NEBL: variants seen among roughly 807,000 people sequenced by gnomAD.
NEBL encodes the protein LIM and SH3 protein 2.
In NEBL, 122 loss-of-function variants were observed where a neutral mutation model predicts 140.2. The ratio of observed to expected loss-of-function variants is 0.87; its 90% CI spans 0.75 to 1.01. The LOEUF (loss-of-function observed/expected upper bound fraction) is 1.01. Among genes scored for constraint, NEBL ranks in the 50% least tolerant of loss-of-function variants. NEBL has a pLI of 0.00. For synonymous variants in NEBL, 436 were observed against 398.9 expected (o/e 1.09, Z -1.11); for missense variants, 1,365 against 1,231.3 (o/e 1.11, Z -1.62).
In NEBL at chr10:21,289,958, C is replaced by G. The variant is rs769955202; in HGVS notation, n.182+2872G>C. Among the ~76,000 whole-genome samples, 99 of 152,214 alleles carry G rather than the reference C, an allele frequency of 6.5e-4. 1 individual carries two copies. The highest frequency in any genetic ancestry group is 1.2e-3 in the Non-Finnish European group (85 of 68,026). On this transcript the variant is annotated intron_variant and non_coding_transcript_variant, in intron 1 of 8. Transcript: ENST00000675702. Reference sequence around the variant, plus strand: ...GCCCAAAAAGCTAAGACTCTTTACTCTCTGGCCCTGTACAGAAAACATTCA... The same window carrying G: ...GCCCAAAAAGCTAAGACTCTTTACTGTCTGGCCCTGTACAGAAAACATTCA...
chr10:21,047,524 A>T (rs1834574845), intron 2 of NEBL, among the ~76,000 whole-genome samples: 1 of 151,904 alleles, frequency 6.6e-6, no homozygotes, highest in South Asian at 2.1e-4. Flanking sequence ...ACTGCCCCAA[A>T]TGAAGCTTTT....
intron 3 of NEBL, among the ~76,000 whole-genome samples, chr10:21,212,448 G>T (rs1174204364): frequency 6.6e-6 from 1 of 152,202 alleles, no homozygotes; most frequent in Non-Finnish European, 1.5e-5. Context: ...TCCTCAGAGT[G>T]ATGGGAGGAA....
Position 20,831,297 on chromosome 10 carries a change from T to A in NEBL, c.1570A>T (p.Lys524Ter). The change falls in exon 16 of 28, where the codon AAG becomes TAG. Residue 524 changes from lysine (K) to a stop codon, truncating the protein, a stop_gained. Coordinates refer to ENST00000377122, the MANE Select transcript of NEBL (RefSeq NM_006393.3). LOFTEE classifies it high-confidence loss of function. ...ASEMASQKQY[K>*]KDLENEIKGK... is the part of the protein sequence containing the mutation. ...TTAATTTCATTTTCTAAGTCCTTCT[T>A]GTATTGTTTCTAAAAGAACAGAAAA... 1.2e-6 allele frequency: 2 copies of A among 1,607,606 alleles called. No homozygotes were observed. The highest frequency in any genetic ancestry group is 4.5e-5 in the East Asian group (2 of 44,810).
intron 2 of NEBL, among the ~76,000 whole-genome samples, chr10:21,161,616 G>A (rs1394477594): frequency 6.6e-6 from 1 of 152,020 alleles, no homozygotes; most frequent in Non-Finnish European, 1.5e-5. Flanking sequence ...CATAATTAGT[G>A]ACCCCCCACC....
intron 4 of NEBL, among the ~76,000 whole-genome samples, chr10:20,959,519 A>G (rs1008909942): frequency 1.3e-5 from 2 of 152,154 alleles, no homozygotes; most frequent in Non-Finnish European, 2.9e-5. Flanking sequence ...AGTTTCTTAT[A>G]GAAAAAGATC....
intron 4 of NEBL, among the ~76,000 whole-genome samples, chr10:20,937,455 G>A (rs547439228): frequency 1.3e-5 from 2 of 152,106 alleles, no homozygotes; most frequent in South Asian, 2.1e-4. Flanking sequence ...AAAGAGCCAG[G>A]GGGTGGAGAC....
intron 4 of NEBL, among the ~76,000 whole-genome samples, chr10:20,884,094 C>T (rs1846249765): frequency 6.6e-6 from 1 of 152,082 alleles, no homozygotes; most frequent in Non-Finnish European, 1.5e-5. Flanking sequence ...GACAGGAGTC[C>T]ACTTGCAATA....
chr10:20,804,187 G>T (rs368522011), intron 26 of NEBL: 8 of 152,226 alleles, frequency 5.3e-5, no homozygotes, highest in East Asian at 1.9e-4. Flanking sequence ...GGTACCAGGT[G>T]CTATGAAGGA....
intron 2 of NEBL, among the ~76,000 whole-genome samples, chr10:21,032,555 G>T (rs1294432340): frequency 6.6e-6 from 1 of 152,118 alleles, no homozygotes; most frequent in African/African-American, 2.4e-5. Flanking sequence ...AATGCCTCTG[G>T]TTGCAAACCA....
intron 3 of NEBL, among the ~76,000 whole-genome samples, chr10:20,997,032 C>CA (rs1837694011): frequency 1.3e-5 from 2 of 152,148 alleles, no homozygotes. Context: ...CATTTAGTTT[C>CA]AAAAATCCAT....
At chr10:20,952,059 A>G (rs1835498886) in intron 4 of NEBL, among the ~76,000 whole-genome samples, 1 of 152,180 alleles carries the variant, frequency 6.6e-6, no homozygotes, top group African/African-American at 2.4e-5. Flanking sequence ...GGAAAACTTA[A>G]AAACTTCACT....
chr10:20,941,323 A>T (rs1355393099), intron 4 of NEBL, among the ~76,000 whole-genome samples: 2 of 152,226 alleles, frequency 1.3e-5, no homozygotes, highest in Non-Finnish European at 2.9e-5. Context: ...AACAGAACCA[A>T]AGACAAAAAC....
At chr10:20,994,881 TAG>T (rs1252640004) in intron 3 of NEBL, among the ~76,000 whole-genome samples, 2 of 150,306 alleles carry the variant, frequency 1.3e-5, no homozygotes, top group African/African-American at 5.0e-5. Flanking sequence ...GAGGAGGAGG[TAG>T]AGGGGGGGGT....
intron 3 of NEBL, among the ~76,000 whole-genome samples, chr10:21,228,793 C>T (rs1005016930): frequency 3.3e-5 from 5 of 152,112 alleles, no homozygotes; most frequent in Non-Finnish European, 5.9e-5. Flanking sequence ...AAACCTTTGC[C>T]CCAACTGCAG....
intron 2 of NEBL, among the ~76,000 whole-genome samples, chr10:21,056,518 C>A (rs940271773): frequency 1.1e-4 from 16 of 152,174 alleles, no homozygotes; most frequent in African/African-American, 3.9e-4. Context: ...TTTAGTACAA[C>A]CATTTTGAAA....
At chr10:21,259,140 T>A (rs2132279065) in intron 1 of NEBL, among the ~76,000 whole-genome samples, 1 of 151,142 alleles carries the variant, frequency 6.6e-6, no homozygotes, top group Middle Eastern at 3.4e-3. Flanking sequence ...CAGGCTGGAG[T>A]GCAGTGGCAG....
intron 2 of NEBL, among the ~76,000 whole-genome samples, chr10:21,163,545 G>T (rs566381525): frequency 1.0e-3 from 155 of 152,208 alleles, no homozygotes; most frequent in African/African-American, 3.2e-3. Context: ...TCCAACATTG[G>T]CAGGCAACCT....
At chr10:20,947,129 T>C (rs943578101) in intron 4 of NEBL, among the ~76,000 whole-genome samples, 5 of 152,364 alleles carry the variant, frequency 3.3e-5, no homozygotes, top group Non-Finnish European at 4.4e-5. Context: ...CTTGAAAGTC[T>C]GTTTCTGAAT....
At chr10:21,280,536 G>A (rs1292304102) in intron 1 of NEBL, among the ~76,000 whole-genome samples, 1 of 151,952 alleles carries the variant, frequency 6.6e-6, no homozygotes. Context: ...AGGTGTGGAT[G>A]GTGAACAGGG....
Sources: allele counts gnomAD v4.1 joint callset (sites outside exome capture counted in the v4.1 genomes callset), GRCh38; gene constraint gnomAD v4.1.1; transcripts MANE v1.5; gene names NCBI Gene and HGNC (gene_info 2026-07-23, HGNC 2026-07-21).